The following IFT140 variants were observed in gnomAD, a reference collection of about 807,000 sequenced individuals.
The protein encoded by IFT140 is intraflagellar transport protein 140 homolog.
In IFT140, 133 loss-of-function variants were observed where a neutral mutation model predicts 164.6. That is an observed-to-expected ratio of 0.81 (90% CI 0.70 to 0.93). IFT140 has a LOEUF of 0.93. Among genes scored for constraint, IFT140 ranks in the 40% least tolerant of loss-of-function variants. IFT140 has a pLI of 0.00. For synonymous variants in IFT140, 860 were observed against 817.3 expected, an observed-to-expected ratio of 1.05 and a Z score of -0.89; for missense variants, 2,045 against 1,972.3, an observed-to-expected ratio of 1.04 and a Z score of -0.70.
At chr16:1,528,303 C>CCACA (rs147916170) in intron 19 of IFT140, among the ~76,000 whole-genome samples, 1 of 150,496 alleles carries the variant, frequency 6.6e-6, no homozygotes, top group Non-Finnish European at 1.5e-5. Context: ...CCCACCAAAG[C>CCACA]CACACACACA....
chr16:1,590,701 G>A (rs1320488803), intron 6 of IFT140, among the ~76,000 whole-genome samples: 1 of 152,148 alleles, frequency 6.6e-6, no homozygotes, highest in Non-Finnish European at 1.5e-5. Flanking sequence ...ACTCCTCTGG[G>A]AGCCTTCTCA....
At chr16:1,611,431 G>A (rs2036314223) in intron 1 of IFT140, among the ~76,000 whole-genome samples, 1 of 151,616 alleles carries the variant, frequency 6.6e-6, no homozygotes, top group South Asian at 2.1e-4. Context: ...CCCGGGAGGC[G>A]GAGACTGCAG....
intron 16 of IFT140, among the ~76,000 whole-genome samples, chr16:1,565,909 T>G (rs2033687343): frequency 6.6e-6 from 1 of 152,178 alleles, no homozygotes; most frequent in African/African-American, 2.4e-5. Context: ...TTCTACAGAT[T>G]CCCGGCCAGA....
intron 19 of IFT140, among the ~76,000 whole-genome samples, chr16:1,556,903 G>A (rs534098577): frequency 7.2e-5 from 11 of 152,236 alleles, no homozygotes; most frequent in African/African-American, 2.2e-4. Context: ...TCCACCTCCC[G>A]GGTTCAAGCA....
At chr16:1,542,000 G>A in intron 19 of IFT140, 2 of 1,611,412 alleles carry the variant, frequency 1.2e-6, no homozygotes, top group Non-Finnish European at 1.7e-6. Flanking sequence ...TCCTCCTGGG[G>A]CTGGTGGGCC....
intron 7 of IFT140, 73 bp downstream of exon 7, chr16:1,589,532 G>C: frequency 6.8e-7 from 1 of 1,475,636 alleles, no homozygotes; most frequent in South Asian, 1.2e-5. Context: ...AGAAGAGAAA[G>C]GGCCGTCAAC....
chr16:1,553,449 C>T lies in IFT140; in HGVS notation c.2399+4486G>A. ...GTGGAGAGACCGGCATGAACAGACG[C>T]ACAGGTGTCAACATGCAGGCCAGGC... is the stretch of plus-strand genomic sequence containing the variant. On this transcript the variant is annotated intron_variant, in intron 19 of 30. Transcript: ENST00000426508. This position sits in a 1 kb window ranked among gnomAD's most constrained non-coding sequence, Gnocchi z 4.4. The T allele has an allele frequency of 3.0e-6, 3 of 985,404 alleles. No homozygotes were observed. In the South Asian group the frequency reaches 1.4e-4, roughly 46 times the overall value. 61.0% of individuals were successfully genotyped at this position (985,404 alleles called of 1,614,324 possible). A position where few individuals can be genotyped will look rare whatever the true frequency, so the allele number is the denominator to read the frequency against.
At chr16:1,571,360 G>A (rs779140849) in intron 14 of IFT140, 47 bp downstream of exon 14, 1 of 1,593,142 alleles carries the variant, frequency 6.3e-7, no homozygotes, top group Non-Finnish European at 8.6e-7. Context: ...ACTGTCTCCT[G>A]ACTGACTAAA....
At chr16:1,526,936 C>A in intron 19 of IFT140, 140 bp from the exon 20 acceptor site, 1 of 920,712 alleles carries the variant, frequency 1.1e-6, no homozygotes, top group Non-Finnish European at 1.6e-6. Flanking sequence ...CCATCGGCTC[C>A]GCCCCTGGGC....
intron 17 of IFT140, among the ~76,000 whole-genome samples, chr16:1,562,894 A>G (rs1398241924): frequency 1.3e-5 from 2 of 152,204 alleles, no homozygotes; most frequent in African/African-American, 4.8e-5. Flanking sequence ...ATTGCACAGA[A>G]GCAGAACAAG....
At chr16:1,518,409 C>A in intron 29 of IFT140, 52 bp from the exon 30 acceptor site, 1 of 1,569,568 alleles carries the variant, frequency 6.4e-7, no homozygotes. Context: ...ACACCTACTG[C>A]TATCAGAGGT....
At position 1,526,369 on chromosome 16, in the gene IFT140, GTC is replaced by G; in HGVS notation, c.2577+248_2577+249del. 4 of 589,598 alleles carry G rather than the reference GTC, an allele frequency of 6.8e-6. No homozygotes were observed. The South Asian group carries it at 8.5e-5, about 13-fold the overall frequency. 36.5% of individuals were successfully genotyped at this position (589,598 alleles called of 1,614,324 possible). ...CGTGCTCAGCCCTGCTGACCTGGGGGTCTCTCGGGCGCTCTGTTCCAGGCCCA... is the reference window on the plus strand; with the variant it reads ...CGTGCTCAGCCCTGCTGACCTGGGGGTCTCGGGCGCTCTGTTCCAGGCCCA... On this transcript the variant is annotated intron_variant, in intron 20 of 30. Coordinates refer to ENST00000426508, the MANE Select transcript of IFT140 (RefSeq NM_014714.4).
At chr16:1,560,448 A>G (rs2064290) in intron 18 of IFT140, among the ~76,000 whole-genome samples, 49 of 152,250 alleles carry the variant, frequency 3.2e-4, no homozygotes, top group African/African-American at 1.2e-3. Context: ...ACCAGAGGCC[A>G]GCACACACCT....
Position 1,531,986 on chromosome 16 carries a change from G to C in IFT140, c.2400-5190C>G, listed in dbSNP as rs1054552521. The C allele has an allele frequency of 7.9e-5, 12 of 152,276 alleles. No individual in the cohort carries two copies. The highest frequency in any genetic ancestry group is 2.9e-4 in the African/African-American group (12 of 41,472). 9.4% of individuals were successfully genotyped at this position (152,276 alleles called of 1,614,324 possible). On this transcript the variant is annotated intron_variant, in intron 19 of 30. Coordinates refer to ENST00000426508, the MANE Select transcript of IFT140 (RefSeq NM_014714.4). This position sits in a 1 kb window ranked among gnomAD's most constrained non-coding sequence, Gnocchi z 4.7. Reference sequence around the variant, plus strand: ...AAAGATTAATGGTTTAGTTAATTAAGGAGGAAATAAATTCTTCCCCCATGG... The same window carrying C: ...AAAGATTAATGGTTTAGTTAATTAACGAGGAAATAAATTCTTCCCCCATGG...
intron 24 of IFT140, 121 bp from the exon 25 acceptor site, chr16:1,524,077 T>G: frequency 7.8e-7 from 1 of 1,275,330 alleles, no homozygotes; most frequent in African/African-American, 1.5e-5. Flanking sequence ...CTCAGCGATC[T>G]CTGCGGTGAT....
At position 1,602,520 on chromosome 16, in the gene IFT140, CCG is replaced by C. The variant is rs2035847573; in HGVS notation, c.217_218del (p.Arg73AlafsTer16). On this transcript the variant is annotated frameshift_variant, in exon 4 of 31. Coordinates refer to ENST00000426508, the MANE Select transcript of IFT140 (RefSeq NM_014714.4). LOFTEE classifies it high-confidence loss of function. ...TCTCCCAGCCCACAGCCAGCACCAG[CCG>C]CGTCGGGTGCCAGCACAGGGAAGCA... ...RVASLCWHPTRLVLAVGWETG... is the reference protein window; with the variant it reads ...RVASLCWHPTXLVLAVGWETG... 1.2e-6 allele frequency: 2 copies of C among 1,614,160 alleles called. No homozygotes were observed. Among genetic ancestry groups the C allele is most frequent in the Non-Finnish European group, 1.7e-6 (2 of 1,180,036 alleles).
Position 1,564,066 on chromosome 16 carries a change from C to T in IFT140, c.1998G>A (p.Val666=). 3.1e-6 allele frequency: 5 copies of T among 1,604,808 alleles called. No homozygotes were observed. Among genetic ancestry groups the T allele is most frequent in the Non-Finnish European group, 4.3e-6 (5 of 1,172,806 alleles). Reference sequence around the variant, plus strand: ...GAGGCTGGGAGCGCGGCGTCTCCTGCACGGCTTCGCATACAAACAGCCGGG... The same window carrying T: ...GAGGCTGGGAGCGCGGCGTCTCCTGTACGGCTTCGCATACAAACAGCCGGG... The part of the protein sequence containing the change: ...SEPRLFVCEA[V]QETPRSQPQS... The change falls in exon 17 of 31, where the codon GTG becomes GTA. Residue 666 remains valine, a synonymous_variant. Coordinates refer to ENST00000426508, the MANE Select transcript of IFT140 (RefSeq NM_014714.4). This position sits in a 1 kb window ranked among gnomAD's most constrained non-coding sequence, Gnocchi z 5.5.
chr16:1,602,053 G>T (rs930848551), intron 4 of IFT140, among the ~76,000 whole-genome samples: 2 of 152,212 alleles, frequency 1.3e-5, no homozygotes, highest in African/African-American at 2.4e-5. Context: ...ATGTCCCCTG[G>T]GGGGCAGAAC....
At chr16:1,563,593 G>A (rs778037958) in intron 17 of IFT140, among the ~76,000 whole-genome samples, 32 of 152,004 alleles carry the variant, frequency 2.1e-4, no homozygotes, top group Non-Finnish European at 3.2e-4. Context: ...AAACCTCAAA[G>A]AGGAGACACC....
Sources: allele counts gnomAD v4.1 joint callset (sites outside exome capture counted in the v4.1 genomes callset), GRCh38; gene constraint gnomAD v4.1.1; non-coding constraint Gnocchi (gnomAD v3.1); transcripts MANE v1.5; gene names NCBI Gene and HGNC (gene_info 2026-07-23, HGNC 2026-07-21).